Variants in CNTN1 observed in about 807,000 individuals in gnomAD.
CNTN1 encodes contactin 1.
Under a neutral mutation model 126.4 loss-of-function variants are expected in CNTN1, and 38 were observed. The ratio of observed to expected loss-of-function variants is 0.30; its 90% CI spans 0.23 to 0.39. The LOEUF (loss-of-function observed/expected upper bound fraction) is 0.39, where lower values mean the gene tolerates loss of function less well. Among genes scored for constraint, CNTN1 ranks in the 10% least tolerant of loss-of-function variants. CNTN1 has a pLI of 1.00. For synonymous variants in CNTN1, 413 were observed against 422.6 expected (o/e 0.98, Z 0.28); for missense variants, 1,009 against 1,248.4 (o/e 0.81, Z 2.89).
chr12:41,029,916 T>A (rs970230620), intron 23 of CNTN1, among the ~76,000 whole-genome samples: 2 of 152,062 alleles, frequency 1.3e-5, no homozygotes, highest in African/African-American at 4.8e-5. Flanking sequence ...TTTTTTTTTA[T>A]TTCTGGCAAT....
At chr12:40,885,256 C>G (rs1250551395) in intron 1 of CNTN1, among the ~76,000 whole-genome samples, 1 of 151,700 alleles carries the variant, frequency 6.6e-6, no homozygotes, top group Non-Finnish European at 1.5e-5. Flanking sequence ...AAAGAAGAAC[C>G]TATATGAAGG....
intron 20 of CNTN1, among the ~76,000 whole-genome samples, chr12:41,021,386 C>G (rs1766102847): frequency 6.6e-6 from 1 of 152,016 alleles, no homozygotes; most frequent in South Asian, 2.1e-4. Context: ...GCTTCAGCAC[C>G]CTCCCTTATC....
At chr12:41,051,131 T>C (rs936303708) in intron 23 of CNTN1, among the ~76,000 whole-genome samples, 16 of 151,308 alleles carry the variant, frequency 1.1e-4, no homozygotes, top group African/African-American at 3.4e-4. Flanking sequence ...TTTTAGAACA[T>C]ATTGCTTTGT....
chr12:40,877,213 T>C lies in CNTN1; in HGVS notation c.-76-31144T>C, dbSNP rs189489640. 5.6e-4 allele frequency among the ~76,000 whole-genome samples: 86 copies of C among 152,278 alleles called. 1 individual carries two copies. Among genetic ancestry groups the C allele is most frequent in the Middle Eastern group, 3.4e-3 (1 of 294 alleles). On this transcript the variant is annotated intron_variant, in intron 1 of 23. Transcript: ENST00000551295. Reference sequence around the variant, plus strand: ...CTGGGCTCAGTGAAGGTCAGGCATATTTAGACAGTTTTCCACAGAAAAGTT... The same window carrying C: ...CTGGGCTCAGTGAAGGTCAGGCATACTTAGACAGTTTTCCACAGAAAAGTT...
chr12:40,939,418 C>A lies in CNTN1; in HGVS notation c.1312C>A (p.Pro438Thr), dbSNP rs1241722717. 1 of 1,613,854 alleles carries A rather than the reference C, an allele frequency of 6.2e-7. No individual in the cohort carries two copies. The highest frequency in any genetic ancestry group is 1.3e-5 in the African/African-American group (1 of 75,010). ...KGGRVIIECK[P>T]KAAPKPKFSW... ...TGGAAGGGTGATAATTGAATGCAAACCTAAAGCTGCACCGAAACCAAAGTT... is the reference window on the plus strand; with the variant it reads ...TGGAAGGGTGATAATTGAATGCAAAACTAAAGCTGCACCGAAACCAAAGTT... Residue 438 changes from proline (P) to threonine (T), a missense_variant, in exon 12 of 24, where the codon CCT (proline) becomes ACT (threonine). By Grantham distance (38) the Pro-to-Thr change is conservative. Coordinates refer to ENST00000551295, the MANE Select transcript of CNTN1 (RefSeq NM_001843.4).
At chr12:41,050,142 C>T (rs1047226512) in intron 23 of CNTN1, among the ~76,000 whole-genome samples, 6 of 152,034 alleles carry the variant, frequency 3.9e-5, no homozygotes, top group African/African-American at 7.2e-5. Flanking sequence ...TCAGGTGATC[C>T]GCCTGCCTCG....
rs749472680 is a variant in CNTN1, at chr12:40,933,887, A to T, written c.985+9A>T. ...AAGAATTTATGTTCAAGGTAGATACATTATTTTAATTTTGTATAAATTTCA... is the reference window on the plus strand; with the variant it reads ...AAGAATTTATGTTCAAGGTAGATACTTTATTTTAATTTTGTATAAATTTCA... On this transcript the variant is annotated intron_variant, in intron 9 of 23. Coordinates refer to ENST00000551295, the MANE Select transcript of CNTN1 (RefSeq NM_001843.4). The T allele has an allele frequency of 1.2e-6, 2 of 1,601,510 alleles. No homozygotes were observed. The highest frequency in any genetic ancestry group is 1.7e-5 in the Admixed American group (1 of 59,730).
intron 15 of CNTN1, among the ~76,000 whole-genome samples, chr12:40,980,038 C>G (rs1947778507): frequency 6.6e-6 from 1 of 152,166 alleles, no homozygotes; most frequent in Non-Finnish European, 1.5e-5. Flanking sequence ...ATTCTTATGA[C>G]TATAACTAAC....
chr12:40,955,198 A>G (rs1173781798), intron 14 of CNTN1, among the ~76,000 whole-genome samples: 1 of 151,932 alleles, frequency 6.6e-6, no homozygotes, highest in African/African-American at 2.4e-5. Flanking sequence ...ACTCTAAATC[A>G]TATGATTGGA....
chr12:40,980,014 T>G (rs1050982171), intron 15 of CNTN1, among the ~76,000 whole-genome samples: 2 of 152,186 alleles, frequency 1.3e-5, no homozygotes, highest in African/African-American at 4.8e-5. Flanking sequence ...GTAGAAACAT[T>G]TTTAATATTA....
chr12:40,983,950 TAATA>T (rs1401275569), intron 16 of CNTN1, among the ~76,000 whole-genome samples: 1 of 147,578 alleles, frequency 6.8e-6, no homozygotes, highest in African/African-American at 2.5e-5. Flanking sequence ...TCATATATAG[TAATA>T]TATATATTGC....
intron 1 of CNTN1, among the ~76,000 whole-genome samples, chr12:40,901,989 T>G (rs769697920): frequency 3.9e-5 from 6 of 152,194 alleles, no homozygotes; most frequent in South Asian, 2.1e-4. Flanking sequence ...TATATTTAAA[T>G]TGTATTTAAT....
At chr12:40,738,359 A>T (rs1937785510) in intron 1 of CNTN1, among the ~76,000 whole-genome samples, 1 of 152,088 alleles carries the variant, frequency 6.6e-6, no homozygotes, top group African/African-American at 2.4e-5. Context: ...TCATACTAAT[A>T]AAATCAAGTC....
chr12:41,028,958 C>G, intron 22 of CNTN1, 105 bp from the exon 23 acceptor site: 1 of 1,101,396 alleles, frequency 9.1e-7, no homozygotes, highest in Non-Finnish European at 1.4e-6. Flanking sequence ...AAATTTATTA[C>G]TTTTTGTTAA....
intron 18 of CNTN1, among the ~76,000 whole-genome samples, chr12:41,016,407 C>T (rs903783986): frequency 6.6e-6 from 1 of 152,030 alleles, no homozygotes; most frequent in Non-Finnish European, 1.5e-5. Context: ...CACATAACAT[C>T]TAGGAGAACA....
intron 1 of CNTN1, among the ~76,000 whole-genome samples, chr12:40,893,999 A>G (rs1944320807): frequency 6.6e-6 from 1 of 152,074 alleles, no homozygotes; most frequent in African/African-American, 2.4e-5. Context: ...CTTACACTCT[A>G]ATAGCCACCC....
At chr12:41,047,270 TTC>T (rs564958628) in intron 23 of CNTN1, among the ~76,000 whole-genome samples, 46 of 152,268 alleles carry the variant, frequency 3.0e-4, no homozygotes, top group Admixed American at 5.2e-4. Flanking sequence ...GACATCTCTA[TTC>T]ATACTTTACT....
intron 23 of CNTN1, among the ~76,000 whole-genome samples, chr12:41,047,448 G>A (rs948611984): frequency 6.6e-6 from 1 of 151,984 alleles, no homozygotes; most frequent in Non-Finnish European, 1.5e-5. Flanking sequence ...AAAAGTGGTG[G>A]TTCTCTCTCA....
chr12:41,057,085 ATAT>A (rs1259629404), intron 23 of CNTN1, among the ~76,000 whole-genome samples: 24 of 128,318 alleles, frequency 1.9e-4, no homozygotes, highest in African/African-American at 5.1e-4. Context: ...ATATTTATAA[ATAT>A]TATAAATATT....
Sources: allele counts gnomAD v4.1 joint callset (sites outside exome capture counted in the v4.1 genomes callset), GRCh38; gene constraint gnomAD v4.1.1; transcripts MANE v1.5; gene names NCBI Gene and HGNC (gene_info 2026-07-23, HGNC 2026-07-21).